The following FTO variants were observed in gnomAD, a reference collection of about 807,000 sequenced individuals.
The protein encoded by FTO is alpha-ketoglutarate-dependent dioxygenase FTO.
Under a neutral mutation model 63.9 loss-of-function variants are expected in FTO, and 47 were observed. That is an observed-to-expected ratio of 0.74 (90% CI 0.58 to 0.94). FTO has a LOEUF of 0.94. Among genes scored for constraint, FTO ranks in the 40% least tolerant of loss-of-function variants. The probability of loss-of-function intolerance (pLI) is 0.00; values close to 1 mark genes in which losing one functional copy is unlikely to be tolerated. For synonymous variants in FTO, 207 were observed against 224.4 expected, an observed-to-expected ratio of 0.92 and a Z score of 0.69; for missense variants, 562 against 618.1, an observed-to-expected ratio of 0.91 and a Z score of 0.96.
At chr16:53,979,617 GCGTACATGTTAA>G (rs2083499845) in intron 8 of FTO, 1 of 388,860 alleles carries the variant, frequency 2.6e-6, no homozygotes, top group African/African-American at 2.1e-5. Flanking sequence ...TCCTTTTGTG[GCGTACATGTTAA>G]CTGTTAACAG....
rs1410999299 is a variant in FTO at position 53,826,003 on chromosome 16, A to G, written c.263A>G (p.Lys88Arg). The change falls in exon 3 of 9, where the codon AAA (lysine) becomes AGA (arginine). Residue 88 changes from lysine (K) to arginine (R), a missense_variant. By Grantham distance (26) the Lys-to-Arg change is conservative. Transcript: ENST00000471389. ...CGGGACCTGGTTAGGATCCAAGGCA[A>G]AGATCTGCTCACTCCGGTATCTCGC... ...LFRDLVRIQG[K>R]DLLTPVSRIL... 9 of 1,614,198 alleles carry G rather than the reference A, an allele frequency of 5.6e-6. No individual in the cohort carries two copies. The highest frequency in any genetic ancestry group is 1.6e-4 in the Middle Eastern group (1 of 6,062).
intron 8 of FTO, among the ~76,000 whole-genome samples, chr16:53,977,314 T>C (rs2083454325): frequency 6.6e-6 from 1 of 152,212 alleles, no homozygotes; most frequent in Non-Finnish European, 1.5e-5. Flanking sequence ...TGTTGAATCA[T>C]CTTTCCATTT....
At chr16:53,949,712 A>G (rs1157593644) in intron 8 of FTO, among the ~76,000 whole-genome samples, 1 of 145,712 alleles carries the variant, frequency 6.9e-6, no homozygotes, top group Non-Finnish European at 1.5e-5. Context: ...AAAAAAAAAA[A>G]AACCCAGTGA....
chr16:54,015,963 GC>G (rs1423824093), intron 8 of FTO, among the ~76,000 whole-genome samples: 1 of 138,618 alleles, frequency 7.2e-6, no homozygotes, highest in Non-Finnish European at 1.6e-5. Context: ...CTGACAACCG[GC>G]TGGCCTTACC....
At chr16:53,905,089 G>A (rs1285196780) in intron 7 of FTO, among the ~76,000 whole-genome samples, 18 of 152,018 alleles carry the variant, frequency 1.2e-4, no homozygotes. Context: ...TGAGTGGGTG[G>A]ACACTAATTC....
intron 8 of FTO, among the ~76,000 whole-genome samples, chr16:53,958,016 T>A (rs2143600756): frequency 6.6e-6 from 1 of 152,330 alleles, no homozygotes; most frequent in South Asian, 2.1e-4. Flanking sequence ...ATTATATTAT[T>A]TATAGTGAAC....
intron 7 of FTO, among the ~76,000 whole-genome samples, chr16:53,896,319 T>G (rs903730495): frequency 1.6e-4 from 25 of 151,850 alleles, no homozygotes; most frequent in Admixed American, 1.5e-3. Flanking sequence ...ATCTAGGGTT[T>G]TTTTTTTTTT....
At chr16:53,902,487 C>A (rs371808515) in intron 7 of FTO, among the ~76,000 whole-genome samples, 219 of 152,308 alleles carry the variant, frequency 1.4e-3, no homozygotes, top group African/African-American at 4.9e-3. Context: ...CAACTTTCAA[C>A]GGTGTGCCAA....
At chr16:53,887,610 T>C (rs1598912760) in intron 6 of FTO, among the ~76,000 whole-genome samples, 2 of 152,350 alleles carry the variant, frequency 1.3e-5, no homozygotes, top group East Asian at 3.9e-4. Flanking sequence ...TCAAGGCTTT[T>C]TGAGCATAAA....
At chr16:53,852,116 A>AAAAAAAAG (rs2079821544) in intron 4 of FTO, among the ~76,000 whole-genome samples, 1 of 149,824 alleles carries the variant, frequency 6.7e-6, no homozygotes, top group African/African-American at 2.5e-5. Context: ...AAAAAAAAAA[A>AAAAAAAAG]AAAAGCCAGG....
In FTO at chr16:54,112,633, G is replaced by A. The variant is rs2086914839; in HGVS notation, c.*718G>A. On this transcript the variant is annotated 3_prime_UTR_variant, in exon 9 of 9. Coordinates refer to ENST00000471389, the MANE Select transcript of FTO (RefSeq NM_001080432.3). ...ACTAAAAGAGAAATGACTCATTGAA[G>A]ATTGGCCTCTTTCCTTTCTCTAAGA... The A allele has an allele frequency of 6.6e-6, 1 of 152,386 alleles. No individual in the cohort carries two copies. The highest frequency in any genetic ancestry group is 1.5e-5 in the Non-Finnish European group (1 of 68,170). The allele number at this position is 152,386 out of a possible 1,614,324, so 9.4% of individuals were successfully genotyped here.
rs1192322094 is a variant in FTO, at chr16:53,934,057, A to G, written c.1312A>G (p.Ile438Val). The G allele has an allele frequency of 2.5e-5, 41 of 1,614,158 alleles. No individual in the cohort carries two copies. The highest frequency in any genetic ancestry group is 3.3e-5 in the Non-Finnish European group (39 of 1,179,988). Residue 438 changes from isoleucine to valine, a missense_variant, in exon 8 of 9, where the codon ATC becomes GTC. By Grantham distance (29) the Ile-to-Val change is conservative. Transcript: ENST00000471389. ...ACAAAGGAATGAAATCTTGACTGCC[A>G]TCCTTGCCTCGCTCACTGCACGCCA... ...VEQRNEILTAILASLTARQNL... is the reference protein window; with the variant it reads ...VEQRNEILTAVLASLTARQNL...
chr16:53,879,177 A>T (rs1178660370), intron 5 of FTO, among the ~76,000 whole-genome samples: 1 of 152,172 alleles, frequency 6.6e-6, no homozygotes, highest in Non-Finnish European at 1.5e-5. Flanking sequence ...AATTTCTTCC[A>T]GTTTTCAGAC....
At chr16:53,950,155 T>TA (rs57925273) in intron 8 of FTO, among the ~76,000 whole-genome samples, 7,928 of 50,442 alleles carry the variant, frequency 0.16, 1,121 homozygotes, top group African/African-American at 0.26. Flanking sequence ...TTCACATTTG[T>TA]AAAAAAAAAA....
intron 1 of FTO, among the ~76,000 whole-genome samples, chr16:53,745,166 A>G (rs953162353): frequency 6.6e-6 from 1 of 152,242 alleles, no homozygotes; most frequent in Non-Finnish European, 1.5e-5. Context: ...GCTTATGAAT[A>G]ATTCAGCAAA....
intron 8 of FTO, among the ~76,000 whole-genome samples, chr16:53,953,302 A>G (rs1599074001): frequency 6.6e-6 from 1 of 152,238 alleles, no homozygotes; most frequent in African/African-American, 2.4e-5. Context: ...TCTGGAAAGT[A>G]AACGTTGTCT....
chr16:54,082,916 A>G (rs1350832773), intron 8 of FTO, among the ~76,000 whole-genome samples: 10 of 152,222 alleles, frequency 6.6e-5, no homozygotes, highest in African/African-American at 1.4e-4. Context: ...CCTCTTGAGT[A>G]GAAAACAGGA....
chr16:53,706,788 GA>G (rs2075634807), intron 1 of FTO, among the ~76,000 whole-genome samples: 2 of 152,182 alleles, frequency 1.3e-5, no homozygotes, highest in South Asian at 4.1e-4. Context: ...ACTGTATGGA[GA>G]TACCACATGT....
chr16:53,994,645 G>A (rs531149734), intron 8 of FTO, among the ~76,000 whole-genome samples: 20 of 151,944 alleles, frequency 1.3e-4, no homozygotes, highest in Non-Finnish European at 2.4e-4. Flanking sequence ...TGACAGGTGT[G>A]AGCCACCAGG....
Sources: gnomAD v4.1 joint callset for allele counts (sites outside exome capture counted in the v4.1 genomes callset) on GRCh38, gnomAD v4.1.1 for gene constraint, MANE v1.5 for transcripts, NCBI Gene and HGNC (gene_info 2026-07-23, HGNC 2026-07-21) for gene names.